Variants in STK33 observed in about 807,000 individuals in gnomAD.
STK33 encodes the protein serine/threonine kinase 33.
A neutral mutation model predicts 58.0 loss-of-function variants in STK33; 52 were observed. That is an observed-to-expected ratio of 0.90 (90% confidence interval 0.72 to 1.13). The LOEUF (loss-of-function observed/expected upper bound fraction) is 1.13. Among genes scored for constraint, STK33 ranks in the 50% most tolerant of loss-of-function variants. The probability of loss-of-function intolerance (pLI) is 0.00; values close to 1 mark genes in which losing one functional copy is unlikely to be tolerated. For synonymous variants in STK33, 215 were observed against 200.1 expected, an observed-to-expected ratio of 1.07 and a Z score of -0.63; for missense variants, 630 against 604.2, an observed-to-expected ratio of 1.04 and a Z score of -0.45.
intron 1 of STK33, among the ~76,000 whole-genome samples, chr11:8,555,386 G>A (rs1174536116): frequency 1.3e-5 from 2 of 152,106 alleles, no homozygotes; most frequent in Non-Finnish European, 2.9e-5. Flanking sequence ...GAAACTGGCT[G>A]GGCACTGTGG....
In STK33 at chr11:8,450,486, C is replaced by G. The variant is rs550695427; in HGVS notation, c.871+2336G>C. Among the ~76,000 whole-genome samples the G allele has an allele frequency of 2.0e-4, 30 of 152,016 alleles. No homozygotes were observed. In the South Asian group the frequency reaches 5.4e-3, roughly 27 times the overall value. ...TGGGTTGATAGGTGCAGCAAACCAC[C>G]ATGGCACATGTATACCTATGTAACA... On this transcript the variant is annotated intron_variant, in intron 11 of 15. Coordinates refer to ENST00000687296, the MANE Select transcript of STK33 (RefSeq NM_001352389.2).
At chr11:8,584,555 A>G (rs2031123396) in intron 1 of STK33, among the ~76,000 whole-genome samples, 1 of 152,204 alleles carries the variant, frequency 6.6e-6, no homozygotes. Flanking sequence ...AATCAGTGAG[A>G]GACTATGGGC....
At chr11:8,572,708 C>T (rs1738887263) in intron 1 of STK33, among the ~76,000 whole-genome samples, 1 of 151,892 alleles carries the variant, frequency 6.6e-6, no homozygotes, top group African/African-American at 2.4e-5. Flanking sequence ...CGTGAGTCAC[C>T]ATGCCTGGTG....
intron 14 of STK33, among the ~76,000 whole-genome samples, chr11:8,428,815 TG>T (rs1387893956): frequency 2.0e-5 from 3 of 152,156 alleles, no homozygotes; most frequent in Non-Finnish European, 2.9e-5. Flanking sequence ...AATATGATAC[TG>T]TTATGTTTAG....
intron 1 of STK33, among the ~76,000 whole-genome samples, chr11:8,511,852 G>T (rs1304526554): frequency 6.6e-6 from 1 of 151,918 alleles, no homozygotes; most frequent in Non-Finnish European, 1.5e-5. Context: ...TATCTTTTTG[G>T]TATGCTGTTT....
At chr11:8,338,323 G>A in the STK33 span, among the ~76,000 whole-genome samples, 1 of 152,156 alleles carries the variant, frequency 6.6e-6, no homozygotes, top group African/African-American at 2.4e-5. Flanking sequence ...CCCAGAAAAA[G>A]GATCCAGACA....
At chr11:8,479,123 C>A (rs1489435881) in intron 2 of STK33, among the ~76,000 whole-genome samples, 2 of 152,046 alleles carry the variant, frequency 1.3e-5, no homozygotes, top group Non-Finnish European at 2.9e-5. Context: ...CAGTTAAAAG[C>A]GAGAACAGAG....
intron 6 of STK33, among the ~76,000 whole-genome samples, chr11:8,469,386 T>C (rs1364174058): frequency 6.6e-6 from 1 of 152,250 alleles, no homozygotes; most frequent in African/African-American, 2.4e-5. Context: ...CACTCATTCA[T>C]GTTTTATCGT....
chr11:8,522,433 T>C (rs190175842), intron 1 of STK33, among the ~76,000 whole-genome samples: 13 of 151,616 alleles, frequency 8.6e-5, no homozygotes, highest in East Asian at 3.9e-4. Flanking sequence ...ATGAGAACAG[T>C]TGGACACAGG....
chr11:8,486,775 G>A (rs1326446174), intron 1 of STK33, among the ~76,000 whole-genome samples: 1 of 152,222 alleles, frequency 6.6e-6, no homozygotes, highest in East Asian at 1.9e-4. Flanking sequence ...CATTACAATT[G>A]TTTTAAGCAA....
At chr11:8,466,457 C>T (rs1223271862) in intron 6 of STK33, 1 of 152,218 alleles carries the variant, frequency 6.6e-6, no homozygotes, top group East Asian at 1.9e-4. Flanking sequence ...AATCTTAAAG[C>T]TCCAAAATGA....
At chr11:8,545,818 T>A (rs917374739) in intron 1 of STK33, among the ~76,000 whole-genome samples, 7 of 152,306 alleles carry the variant, frequency 4.6e-5, no homozygotes, top group African/African-American at 1.7e-4. Flanking sequence ...AATTTCAAAA[T>A]ACAGTCATGT....
At chr11:8,562,435 C>T (rs1026198105) in intron 1 of STK33, among the ~76,000 whole-genome samples, 7 of 152,146 alleles carry the variant, frequency 4.6e-5, no homozygotes, top group Non-Finnish European at 7.3e-5. Context: ...TGTCCCAACA[C>T]GAAAACCTTA....
intron 1 of STK33, among the ~76,000 whole-genome samples, chr11:8,588,430 T>G (rs1449158251): frequency 6.6e-6 from 1 of 152,152 alleles, no homozygotes; most frequent in African/African-American, 2.4e-5. Flanking sequence ...CTTTAACAAG[T>G]GAAATGAAGT....
chr11:8,490,823 C>T (rs1473623389), intron 1 of STK33, among the ~76,000 whole-genome samples: 1 of 152,188 alleles, frequency 6.6e-6, no homozygotes, highest in Non-Finnish European at 1.5e-5. Flanking sequence ...CTCCAGCAAA[C>T]TCCAACACAC....
Position 8,405,439 on chromosome 11 carries a change from T to A in STK33, c.1344+8056A>T, listed in dbSNP as rs185948977. Among the ~76,000 whole-genome samples the A allele has an allele frequency of 2.5e-3, 376 of 152,368 alleles. 1 individual carries two copies. Among genetic ancestry groups the A allele is most frequent in the Non-Finnish European group, 3.4e-3 (233 of 68,030 alleles). ...TATTTTAAAACATGGATTGCCTTAT[T>A]GCAATGTAGGAGTTGTTTATATATT... On this transcript the variant is annotated intron_variant, in intron 15 of 15. Transcript: ENST00000687296.
At chr11:8,586,364 T>C (rs965733667) in intron 1 of STK33, among the ~76,000 whole-genome samples, 1 of 152,158 alleles carries the variant, frequency 6.6e-6, no homozygotes, top group African/African-American at 2.4e-5. Context: ...TTACATGCTT[T>C]TCCACCTCTA....
chr11:8,523,519 CA>C (rs1308776639), intron 1 of STK33, among the ~76,000 whole-genome samples: 1 of 150,970 alleles, frequency 6.6e-6, no homozygotes, highest in Non-Finnish European at 1.5e-5. Flanking sequence ...CTCCGCTGGG[CA>C]GCCGCCCCGT....
intron 15 of STK33, among the ~76,000 whole-genome samples, chr11:8,401,251 G>T (rs941819978): frequency 6.6e-5 from 10 of 152,096 alleles, no homozygotes; most frequent in African/African-American, 2.2e-4. Flanking sequence ...AAACAGCATG[G>T]TACTGGTACC....
Sources: gnomAD v4.1 joint callset for allele counts (sites outside exome capture counted in the v4.1 genomes callset) on GRCh38, gnomAD v4.1.1 for gene constraint, MANE v1.5 for transcripts, NCBI Gene and HGNC (gene_info 2026-07-23, HGNC 2026-07-21) for gene names.